DOCK7: variants seen among roughly 807,000 people sequenced by gnomAD.
The protein encoded by DOCK7 is dedicator of cytokinesis 7.
In DOCK7, 138 loss-of-function variants were observed where a neutral mutation model predicts 271.0. The observed-to-expected ratio is 0.51, with a 90% CI of 0.44 to 0.59. The LOEUF (loss-of-function observed/expected upper bound fraction) is 0.59. DOCK7 is among the 20% of genes least tolerant of loss of function. The pLI, the probability that DOCK7 is intolerant of heterozygous loss-of-function variation, is 0.00. For synonymous variants in DOCK7, 823 were observed against 876.1 expected (o/e 0.94, Z 1.07); for missense variants, 2,066 against 2,592.4 (o/e 0.80, Z 4.41).
intron 18 of DOCK7, among the ~76,000 whole-genome samples, chr1:62,576,129 T>G (rs11207992): frequency 0.33 from 50,813 of 152,038 alleles, 8,649 homozygotes; most frequent in South Asian, 0.42. Flanking sequence ...TCTAAATACT[T>G]GTAGACAGCA....
chr1:62,513,282 C>T (rs1214372811), intron 33 of DOCK7, among the ~76,000 whole-genome samples, 162 bp downstream of exon 33: 1 of 129,992 alleles, frequency 7.7e-6, no homozygotes, highest in Non-Finnish European at 1.6e-5. Context: ...TGCTGACTCA[C>T]CTAAATCAGA....
chr1:62,604,386 T>C (rs1034199747), intron 14 of DOCK7: 3 of 1,007,718 alleles, frequency 3.0e-6, no homozygotes, highest in African/African-American at 3.3e-5. Context: ...ATAATGAAAG[T>C]GTTCATTCTA....
intron 14 of DOCK7, among the ~76,000 whole-genome samples, chr1:62,599,903 TTAA>T (rs1392689664): frequency 1.6e-4 from 24 of 152,092 alleles, no homozygotes; most frequent in African/African-American, 5.5e-4. Context: ...TTTAAAAATA[TTAA>T]TAATACTCTC....
intron 1 of DOCK7, among the ~76,000 whole-genome samples, chr1:62,665,153 A>AT (rs140096005): frequency 3.3e-5 from 5 of 151,840 alleles, no homozygotes; most frequent in Non-Finnish European, 5.9e-5. Flanking sequence ...CGCCTAGCTA[A>AT]TTTTTTTGTA....
intron 27 of DOCK7, 80 bp downstream of exon 27, chr1:62,539,465 G>A (rs1645455173): frequency 1.7e-6 from 2 of 1,198,376 alleles, no homozygotes; most frequent in Admixed American, 4.6e-5. Context: ...TGCTCTTAAG[G>A]TCTCTTAGCT....
chr1:62,680,149 T>C (rs1660954938), intron 1 of DOCK7, among the ~76,000 whole-genome samples: 1 of 152,166 alleles, frequency 6.6e-6, no homozygotes, highest in Non-Finnish European at 1.5e-5. Flanking sequence ...ACTACAAGGC[T>C]ACAGTAACCA....
At chr1:62,487,342 A>G (rs1415160008) in intron 43 of DOCK7, 56 bp downstream of exon 43, 2 of 1,567,662 alleles carry the variant, frequency 1.3e-6, no homozygotes, top group Non-Finnish European at 1.8e-6. Flanking sequence ...CATTGGCATA[A>G]GAAATCTGAT....
chr1:62,603,758 T>C (rs1251673275), intron 14 of DOCK7, among the ~76,000 whole-genome samples: 2 of 151,878 alleles, frequency 1.3e-5, no homozygotes, highest in Non-Finnish European at 2.9e-5. Flanking sequence ...AATCAGACTT[T>C]CAGTTATATT....
intron 10 of DOCK7, among the ~76,000 whole-genome samples, chr1:62,632,291 A>G (rs946829093): frequency 9.9e-5 from 15 of 152,238 alleles, no homozygotes; most frequent in Admixed American, 1.3e-4. Flanking sequence ...GTATGTAAAT[A>G]TAAGTAAAAA....
chr1:62,490,396 C>T (rs1278567124), intron 41 of DOCK7, among the ~76,000 whole-genome samples: 2 of 152,088 alleles, frequency 1.3e-5, no homozygotes, highest in African/African-American at 4.8e-5. Context: ...CTGGGCTTGA[C>T]CCAGCCTTTA....
At chr1:62,579,412 A>G (rs998819416) in intron 16 of DOCK7, among the ~76,000 whole-genome samples, 5 of 152,136 alleles carry the variant, frequency 3.3e-5, no homozygotes, top group African/African-American at 1.2e-4. Flanking sequence ...GAAAAAAGGC[A>G]TCTTTAGACA....
chr1:62,650,494 A>G (rs1657200479), intron 4 of DOCK7, among the ~76,000 whole-genome samples: 1 of 152,220 alleles, frequency 6.6e-6, no homozygotes, highest in South Asian at 2.1e-4. Context: ...AACTACCATC[A>G]GAGTGAACAG....
intron 22 of DOCK7, among the ~76,000 whole-genome samples, chr1:62,552,217 G>T (rs557317362): frequency 1.7e-4 from 26 of 152,008 alleles, no homozygotes; most frequent in African/African-American, 6.0e-4. Flanking sequence ...AATGTGTGTG[G>T]GGGGTGGGGG....
In DOCK7 at chr1:62,634,769, T is replaced by C. The variant is rs755484478; in HGVS notation, c.1035+4A>G. On this transcript the variant is annotated splice_donor_region_variant and intron_variant, in intron 9 of 49. Coordinates refer to ENST00000635253, the MANE Select transcript of DOCK7 (RefSeq NM_001367561.1). ...TAAACAAATATATTTAACATTATTC[T>C]CACCTTTATTACAAGAAAAACATCT... 6.2e-7 allele frequency: 1 copy of C among 1,609,114 alleles called. No homozygotes were observed.
chr1:62,550,333 T>C (rs1645854683), intron 22 of DOCK7, among the ~76,000 whole-genome samples: 1 of 152,048 alleles, frequency 6.6e-6, no homozygotes, highest in African/African-American at 2.4e-5. Context: ...CAGTAGATAG[T>C]AGATGGTAAT....
chr1:62,513,257 G>GGA (rs1557650213), intron 33 of DOCK7, among the ~76,000 whole-genome samples, 187 bp downstream of exon 33: 2 of 103,424 alleles, frequency 1.9e-5, no homozygotes, highest in African/African-American at 6.3e-5. Context: ...AGAAAACGGG[G>GGA]GGGGGGGGGC....
chr1:62,623,585 G>A (rs528139160), intron 12 of DOCK7, among the ~76,000 whole-genome samples: 1 of 152,196 alleles, frequency 6.6e-6, no homozygotes, highest in African/African-American at 2.4e-5. Flanking sequence ...GAAATGAAAA[G>A]AAAGCTGTGG....
At chr1:62,492,876 T>G (rs1646506539) in intron 40 of DOCK7, 29 bp from the exon 41 acceptor site, 1 of 1,579,810 alleles carries the variant, frequency 6.3e-7, no homozygotes, top group South Asian at 1.2e-5. Context: ...GAAAAGGTTT[T>G]TGAAACAGAA....
chr1:62,478,107 G>GT, intron 43 of DOCK7: 1 of 275,884 alleles, frequency 3.6e-6, no homozygotes, highest in Non-Finnish European at 6.7e-6. Context: ...ATTGGTCTAT[G>GT]TTTTTTAAAT....
Sources: allele counts gnomAD v4.1 joint callset (sites outside exome capture counted in the v4.1 genomes callset), GRCh38; gene constraint gnomAD v4.1.1; transcripts MANE v1.5; gene names NCBI Gene and HGNC (gene_info 2026-07-23, HGNC 2026-07-21).